The following LRP1B variants were observed in gnomAD, a reference collection of about 807,000 sequenced individuals.
LRP1B encodes the protein low-density lipoprotein receptor-related protein 1B.
In LRP1B, 217 loss-of-function variants were observed where a neutral mutation model predicts 556.6. That is an observed-to-expected ratio of 0.39 (90% confidence interval 0.35 to 0.44). The LOEUF is 0.44. LRP1B is among the 20% of genes least tolerant of loss of function. The pLI is 1.00. For synonymous variants in LRP1B, 2,047 were observed against 1,865.8 expected (o/e 1.10, Z -2.50); for missense variants, 5,053 against 5,620.8 (o/e 0.90, Z 3.23).
chr2:140,976,545 T>A (rs1696608139), intron 18 of LRP1B, among the ~76,000 whole-genome samples: 1 of 147,218 alleles, frequency 6.8e-6, no homozygotes, highest in Non-Finnish European at 1.5e-5. Context: ...CTCACTCTTG[T>A]TGCCCAGGCT....
At chr2:140,472,819 G>A (rs898024015) in intron 60 of LRP1B, among the ~76,000 whole-genome samples, 2 of 151,992 alleles carry the variant, frequency 1.3e-5, no homozygotes, top group Non-Finnish European at 2.9e-5. Context: ...ATGAGAAAGG[G>A]CTGTTGTTCT....
chr2:140,944,656 G>T (rs539801039), intron 20 of LRP1B, among the ~76,000 whole-genome samples: 3 of 151,880 alleles, frequency 2.0e-5, no homozygotes, highest in Non-Finnish European at 4.4e-5. Flanking sequence ...AATTAAAATA[G>T]AAACCATATG....
rs149976351 is a variant in LRP1B at position 141,204,799 on chromosome 2, C to T, written c.851-16216G>A. ...TAAAAATACAAAAATTAGCCAGGTG[C>T]GGTGGCAGGTGCCTGTAATCCCAAC... On this transcript the variant is annotated intron_variant, in intron 6 of 90. Transcript: ENST00000389484. Among the ~76,000 whole-genome samples the T allele has an allele frequency of 1.6e-4, 24 of 151,726 alleles. 1 individual carries two copies. The highest frequency in any genetic ancestry group is 2.9e-5 in the Non-Finnish European group (2 of 67,892).
At chr2:141,005,533 T>C (rs1467042782) in intron 14 of LRP1B, 76 bp from the exon 15 acceptor site, 4 of 1,356,144 alleles carry the variant, frequency 2.9e-6, no homozygotes, top group Non-Finnish European at 4.2e-6. Flanking sequence ...TAGATGTAAT[T>C]ACATACACTT....
At chr2:141,411,668 A>G (rs1690856222) in intron 3 of LRP1B, among the ~76,000 whole-genome samples, 1 of 152,136 alleles carries the variant, frequency 6.6e-6, no homozygotes. Flanking sequence ...TGTCCTGCTA[A>G]TGCAGTTGAA....
chr2:140,730,047 G>A (rs1034275239), intron 35 of LRP1B, among the ~76,000 whole-genome samples: 31 of 152,182 alleles, frequency 2.0e-4, no homozygotes, highest in African/African-American at 5.5e-4. Context: ...TTCTTCGTCC[G>A]TATTCACCTA....
intron 2 of LRP1B, among the ~76,000 whole-genome samples, chr2:141,742,885 T>C (rs1407396263): frequency 6.6e-6 from 1 of 152,140 alleles, no homozygotes; most frequent in African/African-American, 2.4e-5. Context: ...AAGGGATTAA[T>C]TTCTTGATTT....
chr2:140,862,858 A>G (rs1692838379), intron 27 of LRP1B, among the ~76,000 whole-genome samples: 1 of 152,222 alleles, frequency 6.6e-6, no homozygotes, highest in African/African-American at 2.4e-5. Flanking sequence ...AGGCCGAAAT[A>G]GAATAAAAAG....
chr2:140,546,429 A>G (rs1212407020), intron 43 of LRP1B, among the ~76,000 whole-genome samples: 3 of 152,016 alleles, frequency 2.0e-5, no homozygotes, highest in Non-Finnish European at 4.4e-5. Flanking sequence ...GGTTTAATTG[A>G]CCCACAGTTC....
chr2:141,752,431 A>C (rs1694147716), intron 2 of LRP1B, among the ~76,000 whole-genome samples: 1 of 152,128 alleles, frequency 6.6e-6, no homozygotes, highest in African/African-American at 2.4e-5. Flanking sequence ...GGCTGTCCTG[A>C]AAGACTTTCC....
chr2:142,112,707 C>G (rs755001865), intron 1 of LRP1B, among the ~76,000 whole-genome samples: 2 of 152,074 alleles, frequency 1.3e-5, no homozygotes, highest in African/African-American at 2.4e-5. Flanking sequence ...GTTTAAGCCT[C>G]TTCTCCCCAG....
intron 83 of LRP1B, among the ~76,000 whole-genome samples, chr2:140,304,026 A>T (rs1314420354): frequency 6.6e-6 from 1 of 152,182 alleles, no homozygotes; most frequent in African/African-American, 2.4e-5. Context: ...TCCATAGTGT[A>T]TATGTGCCAC....
chr2:140,563,714 G>T (rs1418928577), intron 43 of LRP1B, among the ~76,000 whole-genome samples: 1 of 152,174 alleles, frequency 6.6e-6, no homozygotes, highest in Non-Finnish European at 1.5e-5. Context: ...TTTCCGTGTT[G>T]AGTGTATCTG....
chr2:141,553,967 T>C (rs1181463956), intron 2 of LRP1B, among the ~76,000 whole-genome samples: 1 of 139,128 alleles, frequency 7.2e-6, no homozygotes, highest in Non-Finnish European at 1.5e-5. Context: ...ATAGATTATA[T>C]ATCTACATTA....
intron 3 of LRP1B, among the ~76,000 whole-genome samples, chr2:141,439,811 TG>T (rs1158595244): frequency 3.9e-5 from 6 of 152,142 alleles, no homozygotes; most frequent in African/African-American, 9.7e-5. Context: ...TAATTAAAGA[TG>T]TTTTTTTAAA....
At chr2:140,445,118 C>T (rs1278858375) in intron 63 of LRP1B, among the ~76,000 whole-genome samples, 1 of 151,854 alleles carries the variant, frequency 6.6e-6, no homozygotes, top group East Asian at 1.9e-4. Context: ...TTCTCTCTCT[C>T]TCTTTTTTTT....
chr2:140,903,340 A>G (rs1694157960), intron 22 of LRP1B, among the ~76,000 whole-genome samples, 175 bp from the exon 23 acceptor site: 1 of 152,146 alleles, frequency 6.6e-6, no homozygotes, highest in African/African-American at 2.4e-5. Context: ...TGATGATAGG[A>G]TTTAACCAAA....
chr2:141,440,269 G>A lies in LRP1B; in HGVS notation c.343+40127C>T, dbSNP rs183739588. Among the ~76,000 whole-genome samples, 655 of 152,324 alleles carry A rather than the reference G, an allele frequency of 4.3e-3. 6 individuals carry two copies. The highest frequency in any genetic ancestry group is 6.8e-3 in the Non-Finnish European group (462 of 68,018). On this transcript the variant is annotated intron_variant, in intron 3 of 90. Transcript: ENST00000389484. ...AGGGACTTAAACGTTTTCTTATTGA[G>A]ACGACTGGCTATTTAGAGGACTTAG...
intron 43 of LRP1B, among the ~76,000 whole-genome samples, chr2:140,590,898 G>A (rs1440339028): frequency 6.6e-6 from 1 of 152,176 alleles, no homozygotes; most frequent in Non-Finnish European, 1.5e-5. Flanking sequence ...ATCACTTAAT[G>A]TATACTAAAT....
Sources: gnomAD v4.1 joint callset for allele counts (sites outside exome capture counted in the v4.1 genomes callset) on GRCh38, gnomAD v4.1.1 for gene constraint, MANE v1.5 for transcripts, NCBI Gene and HGNC (gene_info 2026-07-23, HGNC 2026-07-21) for gene names.